The following CLDN1 variants were observed in gnomAD, a reference collection of about 807,000 sequenced individuals.
CLDN1 encodes the protein claudin 1.
Under a neutral mutation model 22.6 loss-of-function variants are expected in CLDN1, and 12 were observed. The ratio of observed to expected loss-of-function variants is 0.53; its 90% CI spans 0.34 to 0.86. The LOEUF is 0.86. Ranked by LOEUF, CLDN1 falls within the 40% of genes least tolerant of loss-of-function variation. CLDN1 has a pLI of 0.02. For synonymous variants in CLDN1, 99 were observed against 103.8 expected (o/e 0.95, Z 0.28); for missense variants, 250 against 269.5 (o/e 0.93, Z 0.51).
rs140408112 is a variant in CLDN1, at chr3:190,309,902, C to G, written c.473+267G>C. Among the ~76,000 whole-genome samples the G allele has an allele frequency of 6.3e-3, 961 of 152,070 alleles. 15 individuals are homozygous for G. Among genetic ancestry groups the G allele is most frequent in the African/African-American group, 0.021 (888 of 41,506 alleles). ...ACATCTTTATTAATATTTGAAAAAACAAACAAAAGAAAGCCCAGTTATACA... is the reference window on the plus strand; with the variant it reads ...ACATCTTTATTAATATTTGAAAAAAGAAACAAAAGAAAGCCCAGTTATACA... On this transcript the variant is annotated intron_variant, in intron 3 of 3. Transcript: ENST00000295522.
chr3:190,310,894 G>A (rs998906735), intron 2 of CLDN1, among the ~76,000 whole-genome samples: 8 of 152,166 alleles, frequency 5.3e-5, no homozygotes, highest in South Asian at 4.1e-4. Flanking sequence ...TATATTCAAT[G>A]ATAGCAGAGA....
In CLDN1 at chr3:190,312,911, T is replaced by A; in HGVS notation, c.349A>T (p.Arg117Trp). 4 of 1,614,208 alleles carry A rather than the reference T, an allele frequency of 2.5e-6. No homozygotes were observed. In the Middle Eastern group the frequency reaches 6.6e-4, roughly 266 times the overall value. ...ATCGCACCCCCAATGACAGCCATCC[T>A]CATCTTCTGCACCTCATCGTCTTCC... ...CLEDDEVQKM[R>W]MAVIGGAIFL... Residue 117 changes from arginine to tryptophan, a missense_variant, in exon 2 of 4, where the codon AGG becomes TGG. Physicochemically the swap from Arg to Trp is moderately radical, Grantham distance 101 (BLOSUM62 -3). Coordinates refer to ENST00000295522, the MANE Select transcript of CLDN1 (RefSeq NM_021101.5).
Position 190,308,215 on chromosome 3 carries a change from G to T in CLDN1, c.*62C>A. On this transcript the variant is annotated 3_prime_UTR_variant, in exon 4 of 4. Coordinates refer to ENST00000295522, the MANE Select transcript of CLDN1 (RefSeq NM_021101.5). ...AAAATTCTAAGGTCCTAATGTTAAT[G>T]ATAGTATCTCAATGTCCATTTTCGG... The T allele has an allele frequency of 1.3e-6, 2 of 1,574,098 alleles. No homozygotes were observed. Among genetic ancestry groups the T allele is most frequent in the African/African-American group, 2.7e-5 (2 of 74,068 alleles).
chr3:190,316,874 T>G (rs987329651), intron 1 of CLDN1, among the ~76,000 whole-genome samples: 2 of 152,252 alleles, frequency 1.3e-5, no homozygotes, highest in Non-Finnish European at 1.5e-5. Flanking sequence ...GAGCCTGGTA[T>G]GCTAAAATCT....
chr3:190,314,265 G>A (rs929316601), intron 1 of CLDN1, among the ~76,000 whole-genome samples: 1 of 152,136 alleles, frequency 6.6e-6, no homozygotes, highest in Non-Finnish European at 1.5e-5. Flanking sequence ...TGTTAATATT[G>A]TCAAGATTGA....
At position 190,305,881 on chromosome 3, in the gene CLDN1, A is replaced by T. The variant is rs1560072073; in HGVS notation, c.*2396T>A. 1 of 152,134 alleles carries T rather than the reference A, an allele frequency of 6.6e-6. No homozygotes were observed. Among genetic ancestry groups the T allele is most frequent in the Admixed American group, 6.6e-5 (1 of 15,258 alleles). 9.4% of individuals were successfully genotyped at this position (152,134 alleles called of 1,614,324 possible). A position where few individuals can be genotyped will look rare whatever the true frequency, so the allele number is the denominator to read the frequency against. On this transcript the variant is annotated 3_prime_UTR_variant, in exon 4 of 4. Transcript: ENST00000295522. ...TTCGTTGGTCATTTTGGGCCATAAA[A>T]TTTTTTTGTAATGTTTGGTAACTGA... is the stretch of plus-strand genomic sequence containing the variant.
intron 1 of CLDN1, among the ~76,000 whole-genome samples, chr3:190,320,876 G>A (rs974382720): frequency 6.6e-6 from 1 of 152,090 alleles, no homozygotes; most frequent in Non-Finnish European, 1.5e-5. Context: ...ATTTCTCAAG[G>A]AAGATACTCC....
intron 3 of CLDN1, 61 bp downstream of exon 3, chr3:190,310,108 G>T: frequency 1.4e-6 from 2 of 1,381,066 alleles, no homozygotes; most frequent in Non-Finnish European, 2.1e-6. Context: ...GCAGGACTTT[G>T]TAGAATATAA....
At chr3:190,308,476 A>G in intron 3 of CLDN1, 37 bp from the exon 4 acceptor site, 1 of 1,602,332 alleles carries the variant, frequency 6.2e-7, no homozygotes, top group Non-Finnish European at 8.5e-7. Flanking sequence ...TAATCAGTGA[A>G]TTATTGGCAA....
At chr3:190,319,389 G>T (rs1184239390) in intron 1 of CLDN1, among the ~76,000 whole-genome samples, 1 of 152,144 alleles carries the variant, frequency 6.6e-6, no homozygotes, top group Admixed American at 6.5e-5. Flanking sequence ...TGTGACATTT[G>T]TTTCCCCAGG....
At chr3:190,309,716 C>A (rs1000635933) in intron 3 of CLDN1, among the ~76,000 whole-genome samples, 1 of 152,096 alleles carries the variant, frequency 6.6e-6, no homozygotes, top group Admixed American at 6.6e-5. Context: ...AATAGCTTTA[C>A]GTGTAAAAAT....
At position 190,308,096 on chromosome 3, in the gene CLDN1, A is replaced by G; in HGVS notation, c.*181T>C. On this transcript the variant is annotated 3_prime_UTR_variant, in exon 4 of 4. Transcript: ENST00000295522. Reference sequence around the variant, plus strand: ...CTATATTGAGGAAAGAAGATAAAATAAGATTAAGCCATGTTTAGCACTGAG... The same window carrying G: ...CTATATTGAGGAAAGAAGATAAAATGAGATTAAGCCATGTTTAGCACTGAG... 1 of 673,718 alleles carries G rather than the reference A, an allele frequency of 1.5e-6. No homozygotes were observed. Among genetic ancestry groups the G allele is most frequent in the Non-Finnish European group, 2.5e-6 (1 of 397,734 alleles). The allele number at this position is 673,718 out of a possible 1,614,324, so 41.7% of individuals were successfully genotyped here.
chr3:190,313,004 C>T lies in CLDN1; in HGVS notation c.256G>A (p.Val86Ile). Residue 86 changes from valine to isoleucine, a missense_variant, in exon 2 of 4, where the codon GTT becomes ATT. Val to Ile is a conservative substitution (Grantham distance 29). Coordinates refer to ENST00000295522, the MANE Select transcript of CLDN1 (RefSeq NM_021101.5). ...GCTATCACTCCCAGGAGGATGCCAA[C>T]CACCATCAAGGCACGGGTTGCTTGC... ...TLQATRALMV[V>I]GILLGVIAIF... 1 of 1,614,118 alleles carries T rather than the reference C, an allele frequency of 6.2e-7. No individual in the cohort carries two copies. Among genetic ancestry groups the T allele is most frequent in the Non-Finnish European group, 8.5e-7 (1 of 1,180,018 alleles).
In CLDN1 at chr3:190,306,830, C is replaced by T. The variant is rs1378981002; in HGVS notation, c.*1447G>A. On this transcript the variant is annotated 3_prime_UTR_variant, in exon 4 of 4. Coordinates refer to ENST00000295522, the MANE Select transcript of CLDN1 (RefSeq NM_021101.5). ...GTAGAGAGAGGAAGGCACTGAGCCA[C>T]ATGAAGGTATGTGCGTAGGTTTTGT... The T allele has an allele frequency of 6.6e-6, 1 of 152,468 alleles. No individual in the cohort carries two copies. Among genetic ancestry groups the T allele is most frequent in the Non-Finnish European group, 1.5e-5 (1 of 68,134 alleles). The allele number at this position is 152,468 out of a possible 1,614,324, so 9.4% of individuals were successfully genotyped here.
intron 1 of CLDN1, among the ~76,000 whole-genome samples, chr3:190,317,749 T>C (rs1322449404): frequency 1.3e-5 from 2 of 152,230 alleles, no homozygotes; most frequent in South Asian, 2.1e-4. Flanking sequence ...GGAAGCCTTG[T>C]ATACAGAAAG....
In CLDN1 at chr3:190,308,236, T is replaced by G; in HGVS notation, c.*41A>C. 5 of 1,609,368 alleles carry G rather than the reference T, an allele frequency of 3.1e-6. No homozygotes were observed. Among genetic ancestry groups the G allele is most frequent in the Non-Finnish European group, 4.3e-6 (5 of 1,176,040 alleles). ...TAATGATAGTATCTCAATGTCCATT[T>G]TCGGTTTGTTTCAACATGATTTTCT... On this transcript the variant is annotated 3_prime_UTR_variant, in exon 4 of 4. Transcript: ENST00000295522.
In CLDN1 at chr3:190,322,123, G is replaced by T; in HGVS notation, c.84C>A (p.Pro28=). The part of the protein sequence containing the change: ...WIGAIVSTAL[P]QWRIYSYAGD... ...CGGCATAGGAGTAAATCCTCCACTG[G>T]GGCAGGGCAGTGCTGACGATGGCGC... is the stretch of plus-strand genomic sequence containing the variant. Residue 28 remains proline, a synonymous_variant, in exon 1 of 4, where the codon CCC becomes CCA. Coordinates refer to ENST00000295522, the MANE Select transcript of CLDN1 (RefSeq NM_021101.5). 1 of 1,614,192 alleles carries T rather than the reference G, an allele frequency of 6.2e-7. No homozygotes were observed. Among genetic ancestry groups the T allele is most frequent in the East Asian group, 2.2e-5 (1 of 44,864 alleles).
In CLDN1 at chr3:190,305,881, ATT is replaced by A. The variant is rs1021749427; in HGVS notation, c.*2394_*2395del. 2.6e-5 allele frequency: 4 copies of A among 152,252 alleles called. No individual in the cohort carries two copies. The highest frequency in any genetic ancestry group is 1.3e-4 in the Admixed American group (2 of 15,278). The allele number at this position is 152,252 out of a possible 1,614,324, so 9.4% of individuals were successfully genotyped here. ...TTCGTTGGTCATTTTGGGCCATAAA[ATT>A]TTTTTGTAATGTTTGGTAACTGATA... On this transcript the variant is annotated 3_prime_UTR_variant, in exon 4 of 4. Coordinates refer to ENST00000295522, the MANE Select transcript of CLDN1 (RefSeq NM_021101.5).
chr3:190,321,835 T>C (rs1716929972), intron 1 of CLDN1, 149 bp downstream of exon 1: 1 of 679,526 alleles, frequency 1.5e-6, no homozygotes, highest in African/African-American at 1.8e-5. Context: ...CAGGATTCTC[T>C]TCATTTCCTT....
Sources: gnomAD v4.1 joint callset for allele counts (sites outside exome capture counted in the v4.1 genomes callset) on GRCh38, gnomAD v4.1.1 for gene constraint, MANE v1.5 for transcripts, NCBI Gene and HGNC (gene_info 2026-07-23, HGNC 2026-07-21) for gene names.